The following RHOT1 variants were observed in gnomAD, a reference collection of about 807,000 sequenced individuals.
The protein encoded by RHOT1 is mitochondrial Rho GTPase 1.
A neutral mutation model predicts 95.3 loss-of-function variants in RHOT1; 27 were observed. The ratio of observed to expected loss-of-function variants is 0.28; its 90% CI spans 0.21 to 0.39. The LOEUF (loss-of-function observed/expected upper bound fraction) is 0.39, where lower values mean the gene tolerates loss of function less well. RHOT1 is among the 10% of genes least tolerant of loss of function. RHOT1 has a pLI of 1.00. For synonymous variants in RHOT1, 227 were observed against 263.5 expected (o/e 0.86, Z 1.34); for missense variants, 578 against 786.7 (o/e 0.73, Z 3.17).
At chr17:32,206,255 G>A (rs919544864) in intron 16 of RHOT1, among the ~76,000 whole-genome samples, 1 of 130,006 alleles carries the variant, frequency 7.7e-6, no homozygotes, top group African/African-American at 3.0e-5. Context: ...ACCCAGGCTG[G>A]AATGCAGCGG....
intron 1 of RHOT1, among the ~76,000 whole-genome samples, chr17:32,154,525 T>TAGGG (rs1442887824): frequency 7.0e-6 from 1 of 142,212 alleles, no homozygotes; most frequent in African/African-American, 2.7e-5. Flanking sequence ...AGGCAGAGCT[T>TAGGG]ACGGTGAGCA....
intron 8 of RHOT1, among the ~76,000 whole-genome samples, chr17:32,190,373 TGAAC>T (rs2036398882): frequency 6.6e-6 from 1 of 152,032 alleles, no homozygotes; most frequent in Non-Finnish European, 1.5e-5. Context: ...GAGAATCGCT[TGAAC>T]CTGGGAGGCA....
chr17:32,143,105 C>T, intron 1 of RHOT1: 1 of 584,992 alleles, frequency 1.7e-6, no homozygotes, highest in African/African-American at 1.8e-5. Context: ...AGGCCGCCTC[C>T]TTTCAGACCT....
intron 6 of RHOT1, among the ~76,000 whole-genome samples, chr17:32,182,207 G>A (rs1483094847): frequency 6.6e-6 from 1 of 152,142 alleles, no homozygotes; most frequent in African/African-American, 2.4e-5. Context: ...GGAATGATCA[G>A]GTTTATAGAT....
rs758320116 is a variant in RHOT1 at position 32,206,954 on chromosome 17, C to A, written c.1461C>A (p.Ile487=). 1.9e-5 allele frequency: 30 copies of A among 1,608,140 alleles called. No individual in the cohort carries two copies. The highest frequency in any genetic ancestry group is 3.3e-4 in the Middle Eastern group (2 of 6,056). The part of the protein sequence containing the change: ...SESEFLTEAE[I]ICDVVCLVYD... ...CGGAATTTCTAACTGAAGCTGAAAT[C>A]ATTTGTGATGTTGTATGCCTGGTAT... Residue 487 remains isoleucine (I), a synonymous_variant, in exon 17 of 20, where the codon ATC becomes ATA. Coordinates refer to ENST00000545287, the MANE Select transcript of RHOT1 (RefSeq NM_001033566.3).
intron 14 of RHOT1, among the ~76,000 whole-genome samples, chr17:32,202,337 C>T (rs960291280): frequency 1.1e-4 from 17 of 152,058 alleles, no homozygotes; most frequent in African/African-American, 3.6e-4. Flanking sequence ...TGTCCCTTTC[C>T]GTTTTATGGA....
Position 32,157,950 on chromosome 17 carries a change from G to C in RHOT1, c.38-13093G>C, listed in dbSNP as rs183567493. Among the ~76,000 whole-genome samples the C allele has an allele frequency of 1.6e-3, 239 of 152,224 alleles. 1 individual carries two copies. Among genetic ancestry groups the C allele is most frequent in the Admixed American group, 0.014 (215 of 15,294 alleles). On this transcript the variant is annotated intron_variant, in intron 1 of 19. Transcript: ENST00000545287. The stretch of plus-strand genomic sequence containing the variant: ...TCTTGCTCTTTCATGGCTCACTGCA[G>C]CCTCAACTTCCTGGGCTCAAGTGAT...
chr17:32,183,581 A>G (rs1412056148), intron 8 of RHOT1, among the ~76,000 whole-genome samples: 2 of 152,232 alleles, frequency 1.3e-5, no homozygotes, highest in Admixed American at 1.3e-4. Flanking sequence ...TTGTTTTGCT[A>G]CTATAAAATC....
chr17:32,208,255 C>A lies in RHOT1; in HGVS notation c.1685C>A (p.Ala562Asp). The A allele has an allele frequency of 6.2e-7, 1 of 1,614,088 alleles. No homozygotes were observed. Among genetic ancestry groups the A allele is most frequent in the Non-Finnish European group, 8.5e-7 (1 of 1,179,958 alleles). Residue 562 changes from alanine to aspartate, a missense_variant, in exon 18 of 20, where the codon GCT (alanine) becomes GAT (aspartate). Ala to Asp is a moderately radical substitution (Grantham distance 126). Coordinates refer to ENST00000545287, the MANE Select transcript of RHOT1 (RefSeq NM_001033566.3). ...CCACAAGCCTTCACTTGCAATACTG[C>A]TGATGCCCCCAGTAAGGATATCTTT... ...PPPQAFTCNT[A>D]DAPSKDIFVK...
chr17:32,199,238 T>C (rs1457201149), intron 12 of RHOT1, among the ~76,000 whole-genome samples, 167 bp from the exon 13 acceptor site: 1 of 152,204 alleles, frequency 6.6e-6, no homozygotes, highest in Non-Finnish European at 1.5e-5. Flanking sequence ...TAGACTCTCT[T>C]ATAGGTTTTC....
intron 1 of RHOT1, among the ~76,000 whole-genome samples, chr17:32,156,445 A>G (rs976842316): frequency 1.2e-4 from 18 of 152,108 alleles, no homozygotes; most frequent in African/African-American, 4.1e-4. Flanking sequence ...TTTTAAAATT[A>G]TTTTTGGTAG....
intron 1 of RHOT1, among the ~76,000 whole-genome samples, chr17:32,158,790 A>T (rs1028193970): frequency 1.3e-5 from 2 of 152,096 alleles, no homozygotes; most frequent in Non-Finnish European, 2.9e-5. Flanking sequence ...AGTTCTTTTG[A>T]TAAATACAGA....
At position 32,225,407 on chromosome 17, in the gene RHOT1, T is replaced by G. The variant is rs1175917584; in HGVS notation, c.*674T>G. ...TGATTATGTTGCTTCCTTGTCAGTA[T>G]GTTGAATTTTATAGCCCTTTCAATG... On this transcript the variant is annotated 3_prime_UTR_variant, in exon 20 of 20. Transcript: ENST00000545287. 3 of 152,620 alleles carry G rather than the reference T, an allele frequency of 2.0e-5. No individual in the cohort carries two copies. The highest frequency in any genetic ancestry group is 4.4e-5 in the Non-Finnish European group (3 of 68,042). The allele number at this position is 152,620 out of a possible 1,614,324, so 9.5% of individuals were successfully genotyped here.
rs1390701310 is a variant in RHOT1, at chr17:32,199,470, T to C, written c.1020T>C (p.Pro340=). 1 of 1,613,154 alleles carries C rather than the reference T, an allele frequency of 6.2e-7. No individual in the cohort carries two copies. Among genetic ancestry groups the C allele is most frequent in the Admixed American group, 1.7e-5 (1 of 59,786 alleles). ...TATTTAAAGTTTTCCCTTACATACC[T>C]TGGGGGCCAGATGTGAATAACACAG... ...KDLFKVFPYI[P]WGPDVNNTVC... The change falls in exon 13 of 20, where the codon CCT becomes CCC. Residue 340 remains proline, a synonymous_variant. Transcript: ENST00000545287.
chr17:32,214,025 G>A (rs1183600625), intron 19 of RHOT1, among the ~76,000 whole-genome samples: 4 of 152,170 alleles, frequency 2.6e-5, no homozygotes, highest in Non-Finnish European at 4.4e-5. Flanking sequence ...AAAACGACAA[G>A]TAGAGGAACC....
At chr17:32,147,146 G>A (rs2031482324) in intron 1 of RHOT1, among the ~76,000 whole-genome samples, 1 of 151,708 alleles carries the variant, frequency 6.6e-6, no homozygotes, top group South Asian at 2.1e-4. Flanking sequence ...TCAGGTTCAA[G>A]CGATTCTCCT....
chr17:32,199,450 A>C lies in RHOT1; in HGVS notation c.1000A>C (p.Lys334Gln). The C allele has an allele frequency of 6.2e-7, 1 of 1,613,382 alleles. No homozygotes were observed. Among genetic ancestry groups the C allele is most frequent in the Non-Finnish European group, 8.5e-7 (1 of 1,179,696 alleles). Residue 334 changes from lysine to glutamine, a missense_variant, in exon 13 of 20, where the codon AAA (lysine) becomes CAA (glutamine). Physicochemically the swap from Lys to Gln is moderately conservative, Grantham distance 53. Around this residue, in one of 4 missense-constraint regions of RHOT1, gnomAD observed 227 missense variants for 316.0 expected, o/e 0.72. Coordinates refer to ENST00000545287, the MANE Select transcript of RHOT1 (RefSeq NM_001033566.3). ...ACCTGATGAGCTTAAAGATTTATTT[A>C]AAGTTTTCCCTTACATACCTTGGGG... ...LSPDELKDLF[K>Q]VFPYIPWGPD...
At chr17:32,208,414 C>A in intron 18 of RHOT1, 105 bp downstream of exon 18, 2 of 1,117,390 alleles carry the variant, frequency 1.8e-6, no homozygotes, top group Non-Finnish European at 2.7e-6. Context: ...TGTTCAGCAA[C>A]AGAAAGATAC....
intron 16 of RHOT1, among the ~76,000 whole-genome samples, chr17:32,204,419 T>G (rs927404251): frequency 6.6e-6 from 1 of 151,468 alleles, no homozygotes; most frequent in Non-Finnish European, 1.5e-5. Context: ...GCATGGTGGT[T>G]CATGCCTGTA....
Sources: gnomAD v4.1 joint callset for allele counts (sites outside exome capture counted in the v4.1 genomes callset) on GRCh38, gnomAD v4.1.1 for gene constraint, gnomAD v4.1.1 regional missense constraint, MANE v1.5 for transcripts, NCBI Gene and HGNC (gene_info 2026-07-23, HGNC 2026-07-21) for gene names.